Variants in LHX3 observed in about 807,000 individuals in gnomAD.
The protein encoded by LHX3 is LIM/homeobox protein Lhx3.
A neutral mutation model predicts 32.4 loss-of-function variants in LHX3; 21 were observed. That is an observed-to-expected ratio of 0.65 (90% CI 0.46 to 0.93). The LOEUF (loss-of-function observed/expected upper bound fraction) is 0.93, where lower values mean the gene tolerates loss of function less well. LHX3 is among the 40% of genes least tolerant of loss of function. LHX3 has a pLI of 0.00. For synonymous variants in LHX3, 258 were observed against 246.8 expected, an observed-to-expected ratio of 1.05 and a Z score of -0.43; for missense variants, 626 against 560.0, an observed-to-expected ratio of 1.12 and a Z score of -1.19.
At chr9:136,204,353 G>A (rs1831709567) in intron 1 of LHX3, among the ~76,000 whole-genome samples, 1 of 152,264 alleles carries the variant, frequency 6.6e-6, no homozygotes, top group African/African-American at 2.4e-5. Flanking sequence ...CCGAGTGTGT[G>A]CGGGCTGTGC....
At chr9:136,199,139 C>G (rs1007592053) in intron 3 of LHX3, 80 bp from the exon 4 acceptor site, 19 of 760,932 alleles carry the variant, frequency 2.5e-5, no homozygotes, top group Admixed American at 4.6e-5. Flanking sequence ...CCGGCCGGCG[C>G]GGGGACGTCG....
Position 136,204,966 on chromosome 9 carries a change from G to GC in LHX3, c.46dup (p.Ala16GlyfsTer20), listed in dbSNP as rs1422965386. 1.6e-5 allele frequency: 26 copies of GC among 1,598,828 alleles called. No homozygotes were observed. The highest frequency in any genetic ancestry group is 2.1e-5 in the Non-Finnish European group (25 of 1,175,704). On this transcript the variant is annotated frameshift_variant, in exon 1 of 6. Coordinates refer to ENST00000371748, the MANE Select transcript of LHX3 (RefSeq NM_178138.6). LOFTEE classifies it high-confidence loss of function. ...CCCGCCCAAGGTGCAGACGGCGGCG[G>GC]CCCCGGGCCTCGCTCGGTCGCGCTC...
intron 3 of LHX3, 148 bp downstream of exon 3, chr9:136,199,530 C>T: frequency 3.5e-6 from 3 of 860,742 alleles, no homozygotes; most frequent in Non-Finnish European, 5.7e-6. Flanking sequence ...CGTTCCCGGC[C>T]TCGGCTTCCT....
In LHX3 at chr9:136,205,113, G is replaced by A; in HGVS notation, c.-101C>T. 2.0e-6 allele frequency: 2 copies of A among 984,144 alleles called. No individual in the cohort carries two copies. The highest frequency in any genetic ancestry group is 2.9e-6 in the Non-Finnish European group (2 of 695,420). The allele number at this position is 984,144 out of a possible 1,614,324, so 61.0% of individuals were successfully genotyped here. ...GTCCCGCCGCGTCGTGCGGGGCAGG[G>A]AGCCCGGGAGCCACTGGGCCTGGCG... On this transcript the variant is annotated 5_prime_UTR_variant, in exon 1 of 6. Transcript: ENST00000371748.
At position 136,197,017 on chromosome 9, in the gene LHX3, G is replaced by A. The variant is rs1219510964; in HGVS notation, c.*308C>T. 1 of 507,680 alleles carries A rather than the reference G, an allele frequency of 2.0e-6. No homozygotes were observed. The highest frequency in any genetic ancestry group is 1.9e-5 in the African/African-American group (1 of 51,908). 31.4% of individuals were successfully genotyped at this position (507,680 alleles called of 1,614,324 possible). On this transcript the variant is annotated 3_prime_UTR_variant, in exon 6 of 6. Coordinates refer to ENST00000371748, the MANE Select transcript of LHX3 (RefSeq NM_178138.6). Reference sequence around the variant, plus strand: ...CTGGGCTGGGCTGGGCCTCAGCAAGGTGACATTTCATGTCTAGAAATAGCA... The same window carrying A: ...CTGGGCTGGGCTGGGCCTCAGCAAGATGACATTTCATGTCTAGAAATAGCA...
chr9:136,201,561 C>G (rs1831640164), intron 1 of LHX3: 1 of 1,077,632 alleles, frequency 9.3e-7, no homozygotes, highest in Non-Finnish European at 1.1e-6. Flanking sequence ...TCCCTCTTCA[C>G]TTAGAAAAAG....
chr9:136,198,627 C>CCCA (rs397709542), intron 5 of LHX3, 25 bp downstream of exon 5: 15 of 1,561,032 alleles, frequency 9.6e-6, no homozygotes, highest in South Asian at 4.7e-5. Flanking sequence ...CGTCCCCCCC[C>CCCA]GAGCTCCGCG....
Position 136,197,714 on chromosome 9 carries a change from C to T in LHX3, c.805G>A (p.Ala269Thr). The T allele has an allele frequency of 6.2e-7, 1 of 1,604,820 alleles. No homozygotes were observed. Reference sequence around the variant, plus strand: ...CCCAAGCTCCCGTAGAGGCCATTGGCCGGGCCCATTTCCGCCAAGGAAGGC... The same window carrying T: ...CCCAAGCTCCCGTAGAGGCCATTGGTCGGGCCCATTTCCGCCAAGGAAGGC... ...DEPSLAEMGP[A>T]NGLYGSLGEP... The change falls in exon 6 of 6, where the codon GCC (alanine) becomes ACC (threonine). Residue 269 changes from alanine to threonine, a missense_variant. Coordinates refer to ENST00000371748, the MANE Select transcript of LHX3 (RefSeq NM_178138.6).
At chr9:136,201,327 TTA>T in intron 1 of LHX3, 1 of 1,256,862 alleles carries the variant, frequency 8.0e-7, no homozygotes, top group Non-Finnish European at 1.0e-6. Flanking sequence ...GCAAAATTAC[TTA>T]TGAGTGGACT....
In LHX3 at chr9:136,197,540, G is replaced by A. The variant is rs1336591952; in HGVS notation, c.979C>T (p.Leu327Phe). 1 of 1,529,834 alleles carries A rather than the reference G, an allele frequency of 6.5e-7. No individual in the cohort carries two copies. The highest frequency in any genetic ancestry group is 8.8e-7 in the Non-Finnish European group (1 of 1,134,450). 94.8% of individuals were successfully genotyped at this position (1,529,834 alleles called of 1,614,324 possible). A position where few individuals can be genotyped will look rare whatever the true frequency, so the allele number is the denominator to read the frequency against. The change falls in exon 6 of 6, where the codon CTC becomes TTC. Residue 327 changes from leucine to phenylalanine, a missense_variant. By Grantham distance (22) the Leu-to-Phe change is conservative. Transcript: ENST00000371748. ...VPPSPAAPQSLPGPQPLLSSL... is the reference protein window; with the variant it reads ...VPPSPAAPQSFPGPQPLLSSL... The stretch of plus-strand genomic sequence containing the variant: ...GAGAGGAGGGGCTGGGGGCCAGGGA[G>A]GCTCTGCGGGGCGGCGGGGGATGGG...
At position 136,197,584 on chromosome 9, in the gene LHX3, C is replaced by T. The variant is rs1317352220; in HGVS notation, c.935G>A (p.Gly312Asp). 1 of 1,538,262 alleles carries T rather than the reference C, an allele frequency of 6.5e-7. No individual in the cohort carries two copies. The highest frequency in any genetic ancestry group is 8.8e-7 in the Non-Finnish European group (1 of 1,140,108). Reference protein sequence around the residue: ...GPEQYRELRPGSPYGVPPSPA... With the variant: ...GPEQYRELRPDSPYGVPPSPA... ...GGATGGGGGGACACCGTAGGGGCTG[C>T]CGGGACGCAGCTCTCGGTACTGCTC... is the stretch of plus-strand genomic sequence containing the variant. Residue 312 changes from glycine to aspartate, a missense_variant, in exon 6 of 6, where the codon GGC becomes GAC. By Grantham distance (94) the Gly-to-Asp change is moderately conservative. Coordinates refer to ENST00000371748, the MANE Select transcript of LHX3 (RefSeq NM_178138.6).
chr9:136,198,346 A>G (rs566314317), intron 5 of LHX3, among the ~76,000 whole-genome samples: 29 of 152,332 alleles, frequency 1.9e-4, no homozygotes, highest in African/African-American at 6.3e-4. Flanking sequence ...TGCAAGGGCT[A>G]GGAGCCAGAG....
In LHX3 at chr9:136,198,686, C is replaced by T. The variant is rs774971975; in HGVS notation, c.741G>A (p.Glu247=). The change falls in exon 5 of 6, where the codon GAG becomes GAA. Residue 247 remains glutamate (E), a synonymous_variant. Coordinates refer to ENST00000371748, the MANE Select transcript of LHX3 (RefSeq NM_178138.6). ...GSKSDKDSVQ[E]GQDSDAEVSF... ...AGACCTCAGCGTCGCTGTCCTGCCC[C>T]TCCTGAACGCTGTCCTTGTCCGACT... 1.2e-6 allele frequency: 2 copies of T among 1,610,138 alleles called. No individual in the cohort carries two copies. Among genetic ancestry groups the T allele is most frequent in the Admixed American group, 1.7e-5 (1 of 59,902 alleles).
intron 2 of LHX3, chr9:136,200,270 C>T (rs1831608685): frequency 1.8e-6 from 1 of 545,494 alleles, no homozygotes. Flanking sequence ...GGAACTAAGT[C>T]CAGTAGAATC....
chr9:136,199,138 G>A (rs977467124), intron 3 of LHX3, 79 bp from the exon 4 acceptor site: 33 of 840,760 alleles, frequency 3.9e-5, no homozygotes, highest in East Asian at 7.9e-5. Context: ...CCCGGCCGGC[G>A]CGGGGACGTC....
rs1172754148 is a variant in LHX3 at position 136,197,498 on chromosome 9, CTG to C, written c.1019_1020del (p.Pro340ArgfsTer29). ...GAGGGCACAAGGCCCAAGCTGGTGTCTGGGTACACCAGGCTGGAGAGGAGGGG... is the reference window on the plus strand; with the variant it reads ...GAGGGCACAAGGCCCAAGCTGGTGTCGGTACACCAGGCTGGAGAGGAGGGG... ...PQPLLSSLVYPDTSLGLVPSG... is the reference protein window; with the variant it reads ...PQPLLSSLVYXDTSLGLVPSG... On this transcript the variant is annotated frameshift_variant, in exon 6 of 6. Transcript: ENST00000371748. LOFTEE classifies it high-confidence loss of function. 1 of 1,550,788 alleles carries C rather than the reference CTG, an allele frequency of 6.4e-7. No individual in the cohort carries two copies. The highest frequency in any genetic ancestry group is 8.7e-7 in the Non-Finnish European group (1 of 1,146,638).
chr9:136,199,190 T>A, intron 3 of LHX3, 131 bp from the exon 4 acceptor site: 1 of 459,006 alleles, frequency 2.2e-6, no homozygotes, highest in Non-Finnish European at 3.4e-6. Context: ...CACAGGCTTC[T>A]CGGAAGGCGC....
chr9:136,199,093 C>T (rs1192773826), intron 3 of LHX3, 34 bp from the exon 4 acceptor site: 3 of 1,316,234 alleles, frequency 2.3e-6, no homozygotes, highest in Non-Finnish European at 2.9e-6. Flanking sequence ...GCGCGGCAGC[C>T]CCTCCGGCCC....
chr9:136,198,599 A>AC (rs1831550313), intron 5 of LHX3, 53 bp downstream of exon 5: 10 of 1,538,094 alleles, frequency 6.5e-6, no homozygotes, highest in South Asian at 1.2e-5. Context: ...GACCCCTGCG[A>AC]CCCCGCCGAC....
Sources: allele counts gnomAD v4.1 joint callset (sites outside exome capture counted in the v4.1 genomes callset), GRCh38; gene constraint gnomAD v4.1.1; transcripts MANE v1.5; gene names NCBI Gene and HGNC (gene_info 2026-07-23, HGNC 2026-07-21).